HDAC9: variants seen among roughly 807,000 people sequenced by gnomAD.
The protein encoded by HDAC9 is histone deacetylase 9.
Under a neutral mutation model 139.4 loss-of-function variants are expected in HDAC9, and 41 were observed. That is an observed-to-expected ratio of 0.29 (90% CI 0.23 to 0.38). The LOEUF is 0.38. HDAC9 is among the 10% of genes least tolerant of loss of function. The pLI, the probability that HDAC9 is intolerant of heterozygous loss-of-function variation, is 1.00. For missense variants in HDAC9, 1,147 were observed against 1,297.0 expected, an observed-to-expected ratio of 0.88 and a Z score of 1.78; for synonymous variants, 517 against 476.2, an observed-to-expected ratio of 1.09 and a Z score of -1.12.
intron 9 of HDAC9, among the ~76,000 whole-genome samples, chr7:18,645,582 A>G (rs1327564659): frequency 6.6e-6 from 1 of 152,178 alleles, no homozygotes; most frequent in Non-Finnish European, 1.5e-5. Flanking sequence ...TTATTGTCAT[A>G]CTAGCAGAAG....
At chr7:18,334,123 T>C (rs1302154391) in intron 1 of HDAC9, among the ~76,000 whole-genome samples, 2 of 151,384 alleles carry the variant, frequency 1.3e-5, no homozygotes, top group East Asian at 3.9e-4. Flanking sequence ...AGAGATAAAT[T>C]CTTATTTAAT....
At chr7:18,873,995 A>T (rs1041868922) in intron 21 of HDAC9, among the ~76,000 whole-genome samples, 3 of 115,090 alleles carry the variant, frequency 2.6e-5, no homozygotes, top group South Asian at 3.1e-4. Flanking sequence ...ATAAATATTT[A>T]AAAATGTTTT....
intron 1 of HDAC9, among the ~76,000 whole-genome samples, chr7:18,410,134 T>G (rs1788408311): frequency 6.6e-6 from 1 of 152,188 alleles, no homozygotes; most frequent in Non-Finnish European, 1.5e-5. Flanking sequence ...AAATATATAA[T>G]GTAGTTTGAA....
intron 1 of HDAC9, among the ~76,000 whole-genome samples, chr7:18,407,700 C>T (rs1788145404): frequency 6.6e-6 from 1 of 152,130 alleles, no homozygotes; most frequent in Non-Finnish European, 1.5e-5. Flanking sequence ...ATGCACCATT[C>T]GATAGAACAA....
chr7:18,268,004 G>A (rs1043297212), intron 2 of HDAC9, among the ~76,000 whole-genome samples: 7 of 152,076 alleles, frequency 4.6e-5, no homozygotes, highest in African/African-American at 1.7e-4. Context: ...TTGATAGAAT[G>A]CTGAGCACCC....
Position 18,719,717 on chromosome 7 carries a change from G to A in HDAC9, c.1732-7863G>A, listed in dbSNP as rs76350314. 1.3e-3 allele frequency among the ~76,000 whole-genome samples: 191 copies of A among 152,090 alleles called. 7 individuals carry two copies. In the East Asian group the frequency reaches 0.032, roughly 26 times the overall value. ...CGCAAAAAAAGTACTCCTCTATTTC[G>A]TCTGAGAATATTATAGTTTTAGATC... On this transcript the variant is annotated intron_variant, in intron 12 of 25. Transcript: ENST00000686413.
chr7:18,867,202 A>G (rs1798562362), intron 21 of HDAC9, among the ~76,000 whole-genome samples: 1 of 152,186 alleles, frequency 6.6e-6, no homozygotes, highest in Non-Finnish European at 1.5e-5. Context: ...TGACAGAATA[A>G]CCATTGGTAG....
chr7:18,171,351 A>AT (rs1221650213), intron 2 of HDAC9, among the ~76,000 whole-genome samples: 2 of 152,128 alleles, frequency 1.3e-5, no homozygotes, highest in Non-Finnish European at 1.5e-5. Context: ...TTGGGCTGAG[A>AT]TGATGGGGTT....
intron 1 of HDAC9, among the ~76,000 whole-genome samples, chr7:18,126,978 A>G (rs1488152857): frequency 6.6e-6 from 1 of 152,190 alleles, no homozygotes; most frequent in Non-Finnish European, 1.5e-5. Context: ...CGTGAACGAA[A>G]GAGGATAAAT....
At chr7:18,440,190 T>C (rs867464327) in intron 1 of HDAC9, among the ~76,000 whole-genome samples, 25 of 139,598 alleles carry the variant, frequency 1.8e-4, no homozygotes, top group African/African-American at 6.9e-4. Context: ...TTTTTTTTTC[T>C]TTTTTTTTTT....
At chr7:18,323,353 C>T (rs988895770) in intron 1 of HDAC9, among the ~76,000 whole-genome samples, 3 of 152,152 alleles carry the variant, frequency 2.0e-5, no homozygotes, top group Admixed American at 2.0e-4. Context: ...ACTTGTTGGC[C>T]CAGTTCTTGG....
At chr7:18,789,106 C>G (rs539236555) in intron 16 of HDAC9, among the ~76,000 whole-genome samples, 37 of 152,222 alleles carry the variant, frequency 2.4e-4, no homozygotes, top group Non-Finnish European at 4.9e-4. Context: ...AGGTTCAGTT[C>G]TTGATATGTA....
chr7:18,262,189 G>T (rs183325747), intron 2 of HDAC9, among the ~76,000 whole-genome samples: 3 of 152,250 alleles, frequency 2.0e-5, no homozygotes, highest in Admixed American at 1.3e-4. Context: ...TTAAACATAG[G>T]GGAGTAAGGA....
intron 22 of HDAC9, among the ~76,000 whole-genome samples, chr7:18,879,268 C>G (rs1232896519): frequency 6.6e-6 from 1 of 152,104 alleles, no homozygotes; most frequent in Non-Finnish European, 1.5e-5. Flanking sequence ...CTATTTCTAT[C>G]AAACTACCAA....
At chr7:18,524,783 A>G (rs1806251769) in intron 2 of HDAC9, among the ~76,000 whole-genome samples, 1 of 151,848 alleles carries the variant, frequency 6.6e-6, no homozygotes, top group African/African-American at 2.4e-5. Context: ...ATTACCTCCC[A>G]AACCCCTGAG....
chr7:18,718,737 A>T (rs1784906476), intron 12 of HDAC9, among the ~76,000 whole-genome samples: 1 of 152,200 alleles, frequency 6.6e-6, no homozygotes, highest in Non-Finnish European at 1.5e-5. Flanking sequence ...TGAACACTCA[A>T]GTACAAGTTT....
At position 18,975,819 on chromosome 7, in the gene HDAC9, G is replaced by A. The variant is rs983852596; in HGVS notation, c.3036G>A (p.Lys1012=). Residue 1012 remains lysine, a synonymous_variant, in exon 25 of 26, where the codon AAG becomes AAA. Coordinates refer to ENST00000686413, the MANE Select transcript of HDAC9 (RefSeq NM_178425.4). ...TGTTTTTCCTAGGCAAGTATTGGAA[G>A]TCAGTAAGGATGGTGGCTGTGCCAA... ...KIIEIQSKYW[K]SVRMVAVPRG... 1.2e-6 allele frequency: 2 copies of A among 1,613,790 alleles called. No homozygotes were observed.
chr7:18,496,904 A>G (rs1048174975), intron 2 of HDAC9, among the ~76,000 whole-genome samples: 3 of 152,122 alleles, frequency 2.0e-5, no homozygotes, highest in African/African-American at 7.2e-5. Flanking sequence ...GCAGATGCTT[A>G]TTTTAATTTT....
chr7:18,758,163 A>G (rs1246914453), intron 14 of HDAC9, among the ~76,000 whole-genome samples: 1 of 152,170 alleles, frequency 6.6e-6, no homozygotes, highest in Non-Finnish European at 1.5e-5. Context: ...CTGTGTTGGT[A>G]AGGCATTTAA....
Sources: allele counts gnomAD v4.1 joint callset (sites outside exome capture counted in the v4.1 genomes callset), GRCh38; gene constraint gnomAD v4.1.1; transcripts MANE v1.5; gene names NCBI Gene and HGNC (gene_info 2026-07-23, HGNC 2026-07-21).